Variants in ADAMTSL1 observed in about 807,000 individuals in gnomAD.
ADAMTSL1 encodes the protein ADAMTS like 1, also known as ADAMTS-like protein 1.
A neutral mutation model predicts 201.8 loss-of-function variants in ADAMTSL1; 126 were observed. The observed-to-expected ratio is 0.62, with a 90% CI of 0.54 to 0.72. The LOEUF is 0.72. Among genes scored for constraint, ADAMTSL1 ranks in the 30% least tolerant of loss-of-function variants. ADAMTSL1 has a pLI of 0.00. For synonymous variants in ADAMTSL1, 1,121 were observed against 903.4 expected (o/e 1.24, Z -4.32); for missense variants, 2,679 against 2,277.8 (o/e 1.18, Z -3.59).
intron 1 of ADAMTSL1, among the ~76,000 whole-genome samples, chr9:17,943,591 A>G (rs147712220): frequency 6.6e-6 from 1 of 152,198 alleles, no homozygotes; most frequent in Non-Finnish European, 1.5e-5. Context: ...ATAGCTTATG[A>G]GCTATGAATT....
At chr9:18,639,099 G>A (rs139828749) in intron 6 of ADAMTSL1, among the ~76,000 whole-genome samples, 155 bp from the exon 7 acceptor site, 1 of 152,096 alleles carries the variant, frequency 6.6e-6, no homozygotes, top group South Asian at 2.1e-4. Flanking sequence ...AGCAGTGCCT[G>A]TATAGTTTGT....
intron 3 of ADAMTSL1, among the ~76,000 whole-genome samples, chr9:18,533,640 C>G (rs547014173): frequency 1.3e-5 from 2 of 152,274 alleles, no homozygotes; most frequent in Admixed American, 1.3e-4. Context: ...GTAAATCAAA[C>G]TCAGATTTGA....
chr9:18,841,896 T>A (rs1825740983), intron 23 of ADAMTSL1, among the ~76,000 whole-genome samples: 1 of 152,158 alleles, frequency 6.6e-6, no homozygotes, highest in African/African-American at 2.4e-5. Context: ...CCCTTTATCA[T>A]TTTTTATTGC....
chr9:18,418,861 G>T (rs775747805), intron 2 of ADAMTSL1, among the ~76,000 whole-genome samples: 6 of 152,170 alleles, frequency 3.9e-5, no homozygotes, highest in Non-Finnish European at 8.8e-5. Context: ...TATGTGAAAG[G>T]CAAAGGAATA....
intron 8 of ADAMTSL1, among the ~76,000 whole-genome samples, chr9:18,660,018 T>A (rs1828972143): frequency 6.6e-6 from 1 of 152,100 alleles, no homozygotes; most frequent in African/African-American, 2.4e-5. Flanking sequence ...ACCTTGATAA[T>A]CGTTCATTAC....
rs140934742 is a variant in ADAMTSL1 at position 18,030,717 on chromosome 9, A to G, written c.87+123795A>G. On this transcript the variant is annotated intron_variant, in intron 1 of 29. Transcript: ENST00000680146. ...AGAGAGAATTGACCTCTCTAGTAAA[A>G]TTGGAGAAATTTTTGTGGACTGTAT... Among the ~76,000 whole-genome samples the G allele has an allele frequency of 8.5e-5, 13 of 152,176 alleles. No homozygotes were observed. The East Asian group carries it at 2.1e-3, about 25-fold the overall frequency.
chr9:18,210,590 T>C (rs1829833347), intron 2 of ADAMTSL1, among the ~76,000 whole-genome samples: 1 of 150,554 alleles, frequency 6.6e-6, no homozygotes, highest in Non-Finnish European at 1.5e-5. Context: ...AAATTATTAA[T>C]ATTCCTATGA....
At chr9:18,135,721 A>G (rs1826130759) in intron 1 of ADAMTSL1, among the ~76,000 whole-genome samples, 1 of 152,274 alleles carries the variant, frequency 6.6e-6, no homozygotes, top group African/African-American at 2.4e-5. Context: ...TCATATGTGT[A>G]TGTATCCTAT....
intron 1 of ADAMTSL1, among the ~76,000 whole-genome samples, chr9:18,114,866 A>G (rs779587404): frequency 6.6e-6 from 1 of 152,162 alleles, no homozygotes; most frequent in Non-Finnish European, 1.5e-5. Context: ...AGGCAGGCCT[A>G]ACAAGGTGGA....
At chr9:18,643,167 T>G (rs1338634334) in intron 7 of ADAMTSL1, among the ~76,000 whole-genome samples, 1 of 152,106 alleles carries the variant, frequency 6.6e-6, no homozygotes, top group East Asian at 1.9e-4. Flanking sequence ...CTTTCCCTGA[T>G]GATTAATGAT....
intron 2 of ADAMTSL1, among the ~76,000 whole-genome samples, chr9:18,402,365 C>G (rs7031751): frequency 0.013 from 1,906 of 152,326 alleles, 37 homozygotes; most frequent in African/African-American, 0.045. Flanking sequence ...CTTACTGCCA[C>G]TGTCATTGGT....
rs533675762 is a variant in ADAMTSL1 at position 18,122,938 on chromosome 9, C to T, written c.88-40924C>T. Among the ~76,000 whole-genome samples, 4 of 152,184 alleles carry T rather than the reference C, an allele frequency of 2.6e-5. No homozygotes were observed. In the East Asian group the frequency reaches 7.7e-4, roughly 29 times the overall value. ...ACTTTTTGTCAAGATGGAGTTTCAC[C>T]ATGTTGTCCAGGCTGGTCTTAAACT... On this transcript the variant is annotated intron_variant, in intron 1 of 29. Coordinates refer to the ADAMTSL1 transcript ENST00000680146.
chr9:18,713,393 G>T (rs1165111039), intron 14 of ADAMTSL1, among the ~76,000 whole-genome samples: 1 of 152,182 alleles, frequency 6.6e-6, no homozygotes, highest in Non-Finnish European at 1.5e-5. Context: ...CAAAATAAAA[G>T]GATGGAGGAA....
intron 2 of ADAMTSL1, among the ~76,000 whole-genome samples, chr9:18,382,184 C>T (rs934289127): frequency 6.6e-6 from 1 of 152,132 alleles, no homozygotes; most frequent in African/African-American, 2.4e-5. Context: ...AAACCACTTA[C>T]CGTGATTATG....
chr9:18,298,278 C>T (rs1833552961), intron 2 of ADAMTSL1, among the ~76,000 whole-genome samples: 1 of 152,090 alleles, frequency 6.6e-6, no homozygotes, highest in Non-Finnish European at 1.5e-5. Flanking sequence ...GAGAGCCGTG[C>T]AGGGTAAAAA....
intron 2 of ADAMTSL1, among the ~76,000 whole-genome samples, chr9:18,399,286 T>TATATATATATATATATATATATAC (rs1817874583): frequency 3.2e-5 from 2 of 62,568 alleles, no homozygotes; most frequent in Non-Finnish European, 6.1e-5. Context: ...TTTACATATA[T>TATATATATATATATATATATATAC]ATATATATAT....
At chr9:18,029,991 A>G (rs914300877) in intron 1 of ADAMTSL1, among the ~76,000 whole-genome samples, 3 of 152,020 alleles carry the variant, frequency 2.0e-5, no homozygotes, top group African/African-American at 7.2e-5. Flanking sequence ...CAGTGTGGCG[A>G]TTCCTCAGGG....
At chr9:18,033,606 A>C (rs1349066758) in intron 1 of ADAMTSL1, among the ~76,000 whole-genome samples, 1 of 152,198 alleles carries the variant, frequency 6.6e-6, no homozygotes, top group Non-Finnish European at 1.5e-5. Flanking sequence ...CTTTGATGGT[A>C]ACCATCCTTT....
chr9:18,569,056 C>A (rs1587594779), intron 3 of ADAMTSL1, among the ~76,000 whole-genome samples: 1 of 152,110 alleles, frequency 6.6e-6, no homozygotes. Flanking sequence ...TTATATAGTG[C>A]CACCTTAGCT....
Sources: allele counts gnomAD v4.1 joint callset (sites outside exome capture counted in the v4.1 genomes callset), GRCh38; gene constraint gnomAD v4.1.1; transcripts MANE v1.5; gene names NCBI Gene and HGNC (gene_info 2026-07-23, HGNC 2026-07-21).